Variants in TNR observed in about 807,000 individuals in gnomAD.
The protein encoded by TNR is tenascin R, also known as tenascin-R.
In TNR, 45 loss-of-function variants were observed where a neutral mutation model predicts 150.4. That is an observed-to-expected ratio of 0.30 (90% CI 0.24 to 0.38). The LOEUF is 0.38. Ranked by LOEUF, TNR falls within the 10% of genes least tolerant of loss-of-function variation. The pLI, the probability that TNR is intolerant of heterozygous loss-of-function variation, is 1.00. For missense variants in TNR, 1,544 were observed against 1,759.1 expected (o/e 0.88, Z 2.19); for synonymous variants, 687 against 678.4 (o/e 1.01, Z -0.20).
intron 1 of TNR, among the ~76,000 whole-genome samples, chr1:175,739,168 A>C (rs1667854140): frequency 1.3e-5 from 2 of 152,176 alleles, no homozygotes; most frequent in Admixed American, 6.5e-5. Context: ...TGACCCCAGA[A>C]AGAGGCAAAA....
chr1:175,683,996 A>T (rs1666115302), intron 1 of TNR, among the ~76,000 whole-genome samples: 1 of 152,156 alleles, frequency 6.6e-6, no homozygotes, highest in Non-Finnish European at 1.5e-5. Context: ...GGGAGCTGGG[A>T]GACTCCAGCC....
At chr1:175,702,521 C>A (rs964679640) in intron 1 of TNR, among the ~76,000 whole-genome samples, 2 of 152,086 alleles carry the variant, frequency 1.3e-5, no homozygotes, top group African/African-American at 4.8e-5. Context: ...GGCAGGAAAA[C>A]GAATATGAGG....
intron 2 of TNR, among the ~76,000 whole-genome samples, chr1:175,496,314 C>T (rs561853617): frequency 2.0e-5 from 3 of 152,294 alleles, no homozygotes; most frequent in East Asian, 3.9e-4. Context: ...TCCTTGTTTT[C>T]CCACCCTGCC....
intron 2 of TNR, among the ~76,000 whole-genome samples, chr1:175,527,745 G>GAAA (rs1659901839): frequency 1.3e-5 from 2 of 152,104 alleles, no homozygotes; most frequent in South Asian, 4.1e-4. Flanking sequence ...ACATATATAT[G>GAAA]TGGTATGAAA....
At chr1:175,558,120 T>C (rs1268942117) in intron 1 of TNR, among the ~76,000 whole-genome samples, 1 of 109,108 alleles carries the variant, frequency 9.2e-6, no homozygotes, top group African/African-American at 3.6e-5. Flanking sequence ...TGGGGACTGT[T>C]GTGGGGTGGG....
At chr1:175,605,951 G>A (rs1162897286) in intron 1 of TNR, among the ~76,000 whole-genome samples, 1 of 152,184 alleles carries the variant, frequency 6.6e-6, no homozygotes, top group African/African-American at 2.4e-5. Flanking sequence ...TTTAGTGTTG[G>A]GAAGGGTTAG....
Position 175,363,764 on chromosome 1 carries a change from C to A in TNR, c.2651G>T (p.Trp884Leu). 1 of 1,613,940 alleles carries A rather than the reference C, an allele frequency of 6.2e-7. No individual in the cohort carries two copies. The highest frequency in any genetic ancestry group is 8.5e-7 in the Non-Finnish European group (1 of 1,179,868). The part of the protein sequence containing the change: ...NVTKDSVMVS[W>L]SPPVASFDYY... ...ATCGAAAGATGCAACAGGAGGGCTC[C>A]AGGAGACCATCACTGAGTCCTTGGT... The change falls in exon 13 of 23, where the codon TGG becomes TTG. Residue 884 changes from tryptophan to leucine, a missense_variant. Around this residue, in one of 2 missense-constraint regions of TNR, gnomAD observed 1,254 missense variants for 1,329.4 expected, o/e 0.94. Transcript: ENST00000367674.
At chr1:175,659,897 ATTT>A (rs34472359) in intron 1 of TNR, among the ~76,000 whole-genome samples, 132 of 111,750 alleles carry the variant, frequency 1.2e-3, no homozygotes, top group African/African-American at 4.0e-3. Context: ...TTTGGGTGTC[ATTT>A]TTTTTTTTTT....
Position 175,406,501 on chromosome 1 carries a change from T to A in TNR, c.214A>T (p.Asn72Tyr). ...PVVFNHVYNI[N>Y]VPLDNLCSSG... The stretch of plus-strand genomic sequence containing the variant: ...GAGCAGAGGTTGTCCAAGGGCACGT[T>A]AATGTTGTACACGTGGTTGAAGACC... Residue 72 changes from asparagine (N) to tyrosine (Y), a missense_variant, in exon 3 of 23, where the codon AAC becomes TAC. Physicochemically the swap from Asn to Tyr is moderately radical, Grantham distance 143. This residue lies in a region of TNR where 1,254 missense variants were observed against 1,329.4 expected (regional missense o/e 0.94). Coordinates refer to ENST00000367674, the MANE Select transcript of TNR (RefSeq NM_003285.3). 1 of 1,614,170 alleles carries A rather than the reference T, an allele frequency of 6.2e-7. No individual in the cohort carries two copies. The highest frequency in any genetic ancestry group is 8.5e-7 in the Non-Finnish European group (1 of 1,180,030).
At chr1:175,627,089 T>C (rs1355914950) in intron 1 of TNR, among the ~76,000 whole-genome samples, 2 of 152,244 alleles carry the variant, frequency 1.3e-5, no homozygotes, top group East Asian at 1.9e-4. Flanking sequence ...TAAAATTGTC[T>C]TGTTTTAAGC....
At chr1:175,509,260 A>C (rs866998123) in intron 2 of TNR, among the ~76,000 whole-genome samples, 5 of 152,172 alleles carry the variant, frequency 3.3e-5, no homozygotes, top group African/African-American at 1.2e-4. Context: ...TTGACCTAAC[A>C]CCTACAAGCT....
At chr1:175,736,425 G>A (rs987173821) in intron 1 of TNR, among the ~76,000 whole-genome samples, 1 of 152,134 alleles carries the variant, frequency 6.6e-6, no homozygotes, top group Non-Finnish European at 1.5e-5. Context: ...GGAGGCTGAG[G>A]CAAGAGAATG....
In TNR at chr1:175,323,210, G is replaced by C; in HGVS notation, c.*147C>G. The C allele has an allele frequency of 9.5e-7, 1 of 1,048,088 alleles. No homozygotes were observed. Among genetic ancestry groups the C allele is most frequent in the Non-Finnish European group, 1.3e-6 (1 of 749,388 alleles). 64.9% of individuals were successfully genotyped at this position (1,048,088 alleles called of 1,614,324 possible). A position where few individuals can be genotyped will look rare whatever the true frequency, so the allele number is the denominator to read the frequency against. On this transcript the variant is annotated 3_prime_UTR_variant, in exon 23 of 23. Transcript: ENST00000367674. The stretch of plus-strand genomic sequence containing the variant: ...CAGCAGAAACCAAGAGCAGATGTTA[G>C]CCAGCGGATTCCTGCGACATCCCTG...
rs993967164 is a variant in TNR at position 175,317,575 on chromosome 1, C to G, written c.*5782G>C. ...ACTGACAGTGCATCTGGACTGAAAC[C>G]CTTTCTTGTGACCTAGGTGTTCTAG... On this transcript the variant is annotated 3_prime_UTR_variant, in exon 23 of 23. Coordinates refer to ENST00000367674, the MANE Select transcript of TNR (RefSeq NM_003285.3). 6.6e-6 allele frequency: 1 copy of G among 152,148 alleles called. No homozygotes were observed. The highest frequency in any genetic ancestry group is 1.9e-4 in the East Asian group (1 of 5,206). The allele number at this position is 152,148 out of a possible 1,614,324, so 9.4% of individuals were successfully genotyped here.
chr1:175,353,876 C>T (rs972091165), intron 18 of TNR, among the ~76,000 whole-genome samples: 12 of 149,120 alleles, frequency 8.0e-5, no homozygotes, highest in African/African-American at 3.0e-4. Flanking sequence ...GACGGAGTCT[C>T]ACTTTTTCAC....
intron 2 of TNR, among the ~76,000 whole-genome samples, chr1:175,454,309 C>T (rs1656461696): frequency 6.6e-6 from 1 of 152,200 alleles, no homozygotes; most frequent in Non-Finnish European, 1.5e-5. Flanking sequence ...TGCATTCATT[C>T]ATCCATTCAT....
At chr1:175,430,245 C>G (rs1266723235) in intron 2 of TNR, among the ~76,000 whole-genome samples, 1 of 151,948 alleles carries the variant, frequency 6.6e-6, no homozygotes, top group South Asian at 2.1e-4. Flanking sequence ...CTGCTTAGAG[C>G]CTGAGGAAGT....
At chr1:175,454,764 G>A (rs1011787955) in intron 2 of TNR, among the ~76,000 whole-genome samples, 1 of 152,100 alleles carries the variant, frequency 6.6e-6, no homozygotes, top group African/African-American at 2.4e-5. Context: ...GAGCCACCAT[G>A]CCGGTCTGGT....
chr1:175,571,982 G>A (rs1661891552), intron 1 of TNR, among the ~76,000 whole-genome samples: 1 of 152,044 alleles, frequency 6.6e-6, no homozygotes, highest in Admixed American at 6.5e-5. Context: ...AACAAATAAG[G>A]AAACAAACAC....
Sources: gnomAD v4.1 joint callset for allele counts (sites outside exome capture counted in the v4.1 genomes callset) on GRCh38, gnomAD v4.1.1 for gene constraint, gnomAD v4.1.1 regional missense constraint, MANE v1.5 for transcripts, NCBI Gene and HGNC (gene_info 2026-07-23, HGNC 2026-07-21) for gene names.